TRPS1: variants seen among roughly 807,000 people sequenced by gnomAD.
TRPS1 encodes zinc finger transcription factor Trps1.
TRPS1 carries 6 observed loss-of-function variants against 101.2 expected under a neutral mutation model. The observed-to-expected ratio is 0.06, with a 90% confidence interval of 0.03 to 0.12. TRPS1 has a LOEUF of 0.12. Among genes scored for constraint, TRPS1 ranks in the 10% least tolerant of loss-of-function variants. The probability of loss-of-function intolerance (pLI) is 1.00; values close to 1 mark genes in which losing one functional copy is unlikely to be tolerated. For missense variants in TRPS1, 1,363 were observed against 1,567.0 expected (o/e 0.87, Z 2.20); for synonymous variants, 578 against 589.8 (o/e 0.98, Z 0.29).
At chr8:115,651,184 G>A (rs1228325518) in intron 1 of TRPS1, among the ~76,000 whole-genome samples, 1 of 152,136 alleles carries the variant, frequency 6.6e-6, no homozygotes, top group African/African-American at 2.4e-5. Context: ...AAAGTACAAG[G>A]CTGCCTGTGT....
intron 1 of TRPS1, among the ~76,000 whole-genome samples, chr8:115,632,728 G>A (rs766557660): frequency 2.6e-5 from 4 of 152,080 alleles, no homozygotes; most frequent in Non-Finnish European, 5.9e-5. Context: ...AGACACAAAC[G>A]AATGCATGCT....
intron 5 of TRPS1, among the ~76,000 whole-genome samples, chr8:115,476,975 T>G (rs1814622273): frequency 6.6e-6 from 1 of 152,206 alleles, no homozygotes; most frequent in African/African-American, 2.4e-5. Flanking sequence ...AGCCATTATC[T>G]AAAAATCATA....
intron 5 of TRPS1, among the ~76,000 whole-genome samples, chr8:115,542,047 C>T (rs768012084): frequency 6.6e-6 from 1 of 152,122 alleles, no homozygotes; most frequent in Non-Finnish European, 1.5e-5. Flanking sequence ...ATAGTAGCAG[C>T]AAGTGGAAGA....
At position 115,412,575 on chromosome 8, in the gene TRPS1, C is replaced by T. The variant is rs1236979371; in HGVS notation, c.*1448G>A. ...TTTTTCCTATTTGTTCTCCCAACTTCTTTAATGAAATAAGTTAATCTGACA... is the reference window on the plus strand; with the variant it reads ...TTTTTCCTATTTGTTCTCCCAACTTTTTTAATGAAATAAGTTAATCTGACA... On this transcript the variant is annotated 3_prime_UTR_variant, in exon 7 of 7. Transcript: ENST00000395715. 1 of 152,330 alleles carries T rather than the reference C, an allele frequency of 6.6e-6. No individual in the cohort carries two copies. The highest frequency in any genetic ancestry group is 1.5e-5 in the Non-Finnish European group (1 of 67,978). 9.4% of individuals were successfully genotyped at this position (152,330 alleles called of 1,614,324 possible).
chr8:115,588,260 T>C (rs1817612024), intron 4 of TRPS1, among the ~76,000 whole-genome samples: 1 of 152,216 alleles, frequency 6.6e-6, no homozygotes, highest in Non-Finnish European at 1.5e-5. Flanking sequence ...TCATCAAATT[T>C]AAATCCATTT....
chr8:115,446,333 CAAAA>C (rs5894264), intron 5 of TRPS1, among the ~76,000 whole-genome samples: 1 of 140,108 alleles, frequency 7.1e-6, no homozygotes. Flanking sequence ...TCCTGTCAGA[CAAAA>C]AAAAAAAAAC....
rs1812979356 is a variant in TRPS1, at chr8:115,418,607, G to C, written c.2701-155C>G. ...GGTCAGGTTCAATTGTGTTTAATAG[G>C]CACCACTGATTTTCATTATAATTAA... On this transcript the variant is annotated intron_variant, in intron 5 of 6. Transcript: ENST00000395715. This position sits in a 1 kb window ranked among gnomAD's most constrained non-coding sequence, Gnocchi z 4.3. Among the ~76,000 whole-genome samples, 1 of 152,174 alleles carries C rather than the reference G, an allele frequency of 6.6e-6. No homozygotes were observed. The highest frequency in any genetic ancestry group is 6.5e-5 in the Admixed American group (1 of 15,278).
intron 5 of TRPS1, among the ~76,000 whole-genome samples, chr8:115,549,266 T>C (rs1257805232): frequency 6.6e-6 from 1 of 152,222 alleles, no homozygotes; most frequent in Non-Finnish European, 1.5e-5. Flanking sequence ...TCAAGGCTTA[T>C]GACAGATCCT....
At chr8:115,600,423 T>G (rs1817883119) in intron 4 of TRPS1, among the ~76,000 whole-genome samples, 1 of 152,176 alleles carries the variant, frequency 6.6e-6, no homozygotes, top group African/African-American at 2.4e-5. Flanking sequence ...CAAATTTGTG[T>G]TTAATTATGC....
intron 4 of TRPS1, among the ~76,000 whole-genome samples, chr8:115,596,116 C>T (rs1310245143): frequency 6.6e-6 from 1 of 151,828 alleles, no homozygotes; most frequent in African/African-American, 2.4e-5. Context: ...CTGATTTTAC[C>T]CATTTTACGT....
At chr8:115,663,251 T>TA (rs1354736006) in intron 1 of TRPS1, among the ~76,000 whole-genome samples, 1 of 147,104 alleles carries the variant, frequency 6.8e-6, no homozygotes, top group East Asian at 2.0e-4. Context: ...TACTTGAACT[T>TA]TTTTTTTTTT....
At chr8:115,444,789 T>C (rs1433513399) in intron 5 of TRPS1, among the ~76,000 whole-genome samples, 1 of 152,208 alleles carries the variant, frequency 6.6e-6, no homozygotes, top group African/African-American at 2.4e-5. Flanking sequence ...GACTCCACCA[T>C]CCTGAAATTG....
intron 3 of TRPS1, among the ~76,000 whole-genome samples, chr8:115,615,009 C>G (rs1344750035): frequency 6.6e-6 from 1 of 152,142 alleles, no homozygotes; most frequent in Non-Finnish European, 1.5e-5. Context: ...CTTCCTGCTT[C>G]TAACATGACA....
At chr8:115,614,560 G>A (rs1388724691) in intron 3 of TRPS1, among the ~76,000 whole-genome samples, 2 of 152,254 alleles carry the variant, frequency 1.3e-5, no homozygotes, top group Middle Eastern at 3.4e-3. Context: ...CTTGAGGTGA[G>A]CATATGTCTT....
chr8:115,653,542 A>G (rs188188632), intron 1 of TRPS1, among the ~76,000 whole-genome samples: 1 of 152,324 alleles, frequency 6.6e-6, no homozygotes, highest in East Asian at 1.9e-4. Flanking sequence ...TTAATTGATT[A>G]TATCTGACGG....
intron 5 of TRPS1, among the ~76,000 whole-genome samples, chr8:115,475,272 A>T (rs1280795978): frequency 2.1e-5 from 1 of 46,898 alleles, no homozygotes; most frequent in African/African-American, 7.7e-5. Flanking sequence ...ACAGTTATAT[A>T]TATATATATA....
chr8:115,602,679 G>A (rs1481658493), intron 4 of TRPS1, among the ~76,000 whole-genome samples: 1 of 152,124 alleles, frequency 6.6e-6, no homozygotes, highest in African/African-American at 2.4e-5. Flanking sequence ...CTTTTAAAAG[G>A]AGTGGAAGAA....
chr8:115,445,250 T>C (rs1813703333), intron 5 of TRPS1, among the ~76,000 whole-genome samples: 1 of 152,170 alleles, frequency 6.6e-6, no homozygotes, highest in East Asian at 1.9e-4. Context: ...TCCATGAAAC[T>C]TTATATGCTA....
Position 115,410,250 on chromosome 8 carries a change from TAC to T in TRPS1, c.*3771_*3772del, listed in dbSNP as rs1437879139. On this transcript the variant is annotated 3_prime_UTR_variant, in exon 7 of 7. Transcript: ENST00000395715. ...TTCCTCAGGCATTTTAAAATATATA[TAC>T]ATTTAATATTTTTGGAGCTGTATTT... 6.6e-6 allele frequency: 1 copy of T among 152,466 alleles called. No individual in the cohort carries two copies. The highest frequency in any genetic ancestry group is 1.5e-5 in the Non-Finnish European group (1 of 67,986). The allele number at this position is 152,466 out of a possible 1,614,324, so 9.4% of individuals were successfully genotyped here. A position where few individuals can be genotyped will look rare whatever the true frequency, so the allele number is the denominator to read the frequency against.
Sources: allele counts gnomAD v4.1 joint callset (sites outside exome capture counted in the v4.1 genomes callset), GRCh38; gene constraint gnomAD v4.1.1; non-coding constraint Gnocchi (gnomAD v3.1); transcripts MANE v1.5; gene names NCBI Gene and HGNC (gene_info 2026-07-23, HGNC 2026-07-21).